ZNF528: variants seen among roughly 807,000 people sequenced by gnomAD.
The protein encoded by ZNF528 is zinc finger protein 528.
In ZNF528, 9 loss-of-function variants were observed where a neutral mutation model predicts 13.3. That is an observed-to-expected ratio of 0.67 (90% confidence interval 0.41 to 1.18). ZNF528 has a LOEUF of 1.18. Ranked by LOEUF, ZNF528 falls within the 50% of genes most tolerant of loss-of-function variation. The pLI is 0.01. For missense variants in ZNF528, 858 were observed against 745.4 expected, an observed-to-expected ratio of 1.15 and a Z score of -1.76; for synonymous variants, 264 against 254.3, an observed-to-expected ratio of 1.04 and a Z score of -0.36.
Position 52,416,398 on chromosome 19 carries a change from A to G in ZNF528, c.1546A>G (p.Thr516Ala). Residue 516 changes from threonine (T) to alanine (A), a missense_variant, in exon 7 of 7, where the codon ACA becomes GCA. Transcript: ENST00000360465. Reference sequence around the variant, plus strand: ...CCTGGTATGCCATCAGAAAATTCATACAGGAGAAAAGCCTTACAAATGTAA... The same window carrying G: ...CCTGGTATGCCATCAGAAAATTCATGCAGGAGAAAAGCCTTACAAATGTAA... ...SNLVCHQKIHTGEKPYKCNQC... is the reference protein window; with the variant it reads ...SNLVCHQKIHAGEKPYKCNQC... 1.9e-6 allele frequency: 3 copies of G among 1,614,052 alleles called. No homozygotes were observed. Among genetic ancestry groups the G allele is most frequent in the Non-Finnish European group, 1.7e-6 (2 of 1,179,916 alleles).
At chr19:52,407,314 A>G (rs2058870407) in intron 6 of ZNF528, among the ~76,000 whole-genome samples, 5 of 151,842 alleles carry the variant, frequency 3.3e-5, no homozygotes, top group Admixed American at 3.3e-4. Flanking sequence ...AATTTTTTGT[A>G]TTTTTTGTGG....
intron 4 of ZNF528, among the ~76,000 whole-genome samples, chr19:52,404,671 A>T (rs1232995288): frequency 6.7e-6 from 1 of 148,978 alleles, no homozygotes; most frequent in Non-Finnish European, 1.5e-5. Context: ...ATCTCAGCTC[A>T]CTGTAGACTC....
chr19:52,410,367 CGG>C (rs773650486), intron 6 of ZNF528, among the ~76,000 whole-genome samples: 141 of 152,204 alleles, frequency 9.3e-4, no homozygotes, highest in Non-Finnish European at 1.4e-3. Flanking sequence ...TGTCGGTCAG[CGG>C]CTTGATTTAC....
Position 52,406,038 on chromosome 19 carries a change from G to C in ZNF528, c.142+5G>C, listed in dbSNP as rs915638246. On this transcript the variant is annotated splice_donor_5th_base_variant and intron_variant, in intron 5 of 6. Transcript: ENST00000360465. ...ATAGGAACCTGGTCTCCCTGGGTGA[G>C]GATAATGTCCCCTCAGAAGCCGGGA... 1 of 1,608,390 alleles carries C rather than the reference G, an allele frequency of 6.2e-7. No homozygotes were observed. The highest frequency in any genetic ancestry group is 8.5e-7 in the Non-Finnish European group (1 of 1,176,686).
At position 52,415,974 on chromosome 19, in the gene ZNF528, TC is replaced by T; in HGVS notation, c.1123del (p.His375ThrfsTer22). 1 of 1,614,046 alleles carries T rather than the reference TC, an allele frequency of 6.2e-7. No individual in the cohort carries two copies. Among genetic ancestry groups the T allele is most frequent in the Non-Finnish European group, 8.5e-7 (1 of 1,179,990 alleles). On this transcript the variant is annotated frameshift_variant, in exon 7 of 7. Coordinates refer to ENST00000360465, the MANE Select transcript of ZNF528 (RefSeq NM_032423.3). LOFTEE classifies it low-confidence loss of function (END_TRUNC). ...RSSLITHQLI[H>X]TGRKPYKCKE... ...CCAGCCTCATAACCCATCAGTTAAT[TC>T]ACACTGGAAGGAAACCTTACAAATG...
rs1039581455 is a variant in ZNF528 at position 52,416,871 on chromosome 19, T to C, written c.*132T>C. The C allele has an allele frequency of 5.7e-5, 47 of 829,390 alleles. No individual in the cohort carries two copies. Among genetic ancestry groups the C allele is most frequent in the Non-Finnish European group, 7.6e-5 (41 of 540,668 alleles). 51.4% of individuals were successfully genotyped at this position (829,390 alleles called of 1,614,324 possible). A position where few individuals can be genotyped will look rare whatever the true frequency, so the allele number is the denominator to read the frequency against. On this transcript the variant is annotated 3_prime_UTR_variant, in exon 7 of 7. Transcript: ENST00000360465. ...ACAGGCTTTATCAAGGCCTGCCAAA[T>C]CACTGGACATCACCACATCACTGTG...
In ZNF528 at chr19:52,415,584, T is replaced by C. The variant is rs200138940; in HGVS notation, c.732T>C (p.His244=). 1.2e-6 allele frequency: 2 copies of C among 1,614,154 alleles called. No individual in the cohort carries two copies. Among genetic ancestry groups the C allele is most frequent in the South Asian group, 1.1e-5 (1 of 91,084 alleles). The stretch of plus-strand genomic sequence containing the variant: ...CTGGAGAGAAGCCTTACAAATGTCA[T>C]GAATGTGGCAAGCTCTTCAGTAGCA... The part of the protein sequence containing the change: ...MHTGEKPYKC[H]ECGKLFSSNS... Residue 244 remains histidine (H), a synonymous_variant, in exon 7 of 7, where the codon CAT becomes CAC. Coordinates refer to ENST00000360465, the MANE Select transcript of ZNF528 (RefSeq NM_032423.3).
intron 4 of ZNF528, among the ~76,000 whole-genome samples, chr19:52,405,317 G>A (rs976629173): frequency 2.6e-5 from 4 of 151,846 alleles, no homozygotes; most frequent in African/African-American, 9.7e-5. Context: ...GATAGCTTGA[G>A]TTTAGGAGCT....
At chr19:52,406,314 C>T (rs545805854) in intron 5 of ZNF528, among the ~76,000 whole-genome samples, 1 of 152,286 alleles carries the variant, frequency 6.6e-6, no homozygotes, top group East Asian at 1.9e-4. Context: ...TACCCCTGTG[C>T]TTTTGATTCT....
chr19:52,415,421 A>C lies in ZNF528; in HGVS notation c.569A>C (p.Glu190Ala), dbSNP rs1221911846. 5 of 1,614,118 alleles carry C rather than the reference A, an allele frequency of 3.1e-6. No individual in the cohort carries two copies. The highest frequency in any genetic ancestry group is 4.2e-6 in the Non-Finnish European group (5 of 1,180,050). Reference sequence around the variant, plus strand: ...AGGGAAAAAGCTTATAAATGTAATGAGCACGGCCAAGTCTTTAGAGCATCT... The same window carrying C: ...AGGGAAAAAGCTTATAAATGTAATGCGCACGGCCAAGTCTTTAGAGCATCT... ...HIREKAYKCN[E>A]HGQVFRASAS... Residue 190 changes from glutamate to alanine, a missense_variant, in exon 7 of 7, where the codon GAG becomes GCG. Coordinates refer to ENST00000360465, the MANE Select transcript of ZNF528 (RefSeq NM_032423.3).
At chr19:52,407,980 C>G (rs1368866634) in intron 6 of ZNF528, among the ~76,000 whole-genome samples, 2 of 151,690 alleles carry the variant, frequency 1.3e-5, no homozygotes, top group African/African-American at 4.8e-5. Flanking sequence ...TGCCAAAGTG[C>G]TTGGGATTAC....
chr19:52,416,132 A>G lies in ZNF528; in HGVS notation c.1280A>G (p.His427Arg), dbSNP rs767943890. Residue 427 changes from histidine (H) to arginine (R), a missense_variant, in exon 7 of 7, where the codon CAT becomes CGT. Coordinates refer to ENST00000360465, the MANE Select transcript of ZNF528 (RefSeq NM_032423.3). ...IFSQKSDLIR[H>R]RKTHTDEKPY... ...AGTCAGAAATCAGACCTTATACGAC[A>G]TCGAAAAACTCATACTGATGAGAAG... The G allele has an allele frequency of 9.9e-6, 16 of 1,613,990 alleles. No individual in the cohort carries two copies. The highest frequency in any genetic ancestry group is 1.3e-5 in the Non-Finnish European group (15 of 1,180,040).
In ZNF528 at chr19:52,417,046, A is replaced by G. The variant is rs1599846576; in HGVS notation, c.*307A>G. The G allele has an allele frequency of 1.8e-5, 6 of 325,200 alleles. No homozygotes were observed. The East Asian group carries it at 3.3e-4, about 18-fold the overall frequency. The allele number at this position is 325,200 out of a possible 1,614,324, so 20.1% of individuals were successfully genotyped here. A position where few individuals can be genotyped will look rare whatever the true frequency, so the allele number is the denominator to read the frequency against. On this transcript the variant is annotated 3_prime_UTR_variant, in exon 7 of 7. Coordinates refer to ENST00000360465, the MANE Select transcript of ZNF528 (RefSeq NM_032423.3). ...ATATTGCATGATGCAGAATAATGCT[A>G]AGTCAAAATATGTTGAATCTCATGA...
At chr19:52,401,586 G>A (rs2058794511) in intron 2 of ZNF528, 99 bp from the exon 3 acceptor site, 12 of 1,038,052 alleles carry the variant, frequency 1.2e-5, no homozygotes, top group African/African-American at 5.3e-5. Context: ...TTCTGAGAGC[G>A]TTTTGTATTT....
At chr19:52,401,110 C>G (rs985649649) in intron 2 of ZNF528, among the ~76,000 whole-genome samples, 2 of 152,076 alleles carry the variant, frequency 1.3e-5, no homozygotes, top group Non-Finnish European at 2.9e-5. Flanking sequence ...TTAAACACCA[C>G]CAACATGTCT....
chr19:52,400,305 A>G (rs2058777301), intron 2 of ZNF528, among the ~76,000 whole-genome samples: 1 of 152,082 alleles, frequency 6.6e-6, no homozygotes, highest in African/African-American at 2.4e-5. Context: ...AGAAGAAAAA[A>G]CAAAGTATTA....
At chr19:52,406,078 T>G (rs764931627) in intron 5 of ZNF528, 45 bp downstream of exon 5, 1 of 1,579,722 alleles carries the variant, frequency 6.3e-7, no homozygotes, top group Non-Finnish European at 8.6e-7. Context: ...CCCTGGTGGA[T>G]CTCTGAATTG....
rs1302115438 is a variant in ZNF528 at position 52,415,667 on chromosome 19, A to G, written c.815A>G (p.His272Arg). 6.2e-6 allele frequency: 10 copies of G among 1,614,164 alleles called. No individual in the cohort carries two copies. The highest frequency in any genetic ancestry group is 6.8e-6 in the Non-Finnish European group (8 of 1,180,006). Residue 272 changes from histidine to arginine, a missense_variant, in exon 7 of 7, where the codon CAT (histidine) becomes CGT (arginine). Transcript: ENST00000360465. ...IHTGEKPYKC[H>R]ECDKVFRSSS... is the part of the protein sequence containing the mutation. ...ACTGGAGAGAAGCCTTACAAATGTCATGAATGTGACAAGGTCTTTCGAAGC... is the reference window on the plus strand; with the variant it reads ...ACTGGAGAGAAGCCTTACAAATGTCGTGAATGTGACAAGGTCTTTCGAAGC...
intron 6 of ZNF528, among the ~76,000 whole-genome samples, chr19:52,407,630 A>G (rs1217506912): frequency 6.6e-6 from 1 of 151,808 alleles, no homozygotes; most frequent in African/African-American, 2.4e-5. Flanking sequence ...ACAAAAATCA[A>G]CTGGGTGTAG....
Sources: gnomAD v4.1 joint callset for allele counts (sites outside exome capture counted in the v4.1 genomes callset) on GRCh38, gnomAD v4.1.1 for gene constraint, MANE v1.5 for transcripts, NCBI Gene and HGNC (gene_info 2026-07-23, HGNC 2026-07-21) for gene names.